The following SEMA5A variants were observed in gnomAD, a reference collection of about 807,000 sequenced individuals.
SEMA5A encodes semaphorin 5A, also known as semaphorin-5A.
SEMA5A carries 55 observed loss-of-function variants against 135.5 expected under a neutral mutation model. The observed-to-expected ratio is 0.41, with a 90% CI of 0.33 to 0.51. The LOEUF (loss-of-function observed/expected upper bound fraction) is 0.51, where lower values mean the gene tolerates loss of function less well. SEMA5A is among the 20% of genes least tolerant of loss of function. The pLI, the probability that SEMA5A is intolerant of heterozygous loss-of-function variation, is 0.37. For synonymous variants in SEMA5A, 580 were observed against 546.5 expected (o/e 1.06, Z -0.85); for missense variants, 1,290 against 1,419.9 (o/e 0.91, Z 1.47).
At chr5:9,309,295 G>A (rs1021295771) in intron 5 of SEMA5A, among the ~76,000 whole-genome samples, 1 of 152,154 alleles carries the variant, frequency 6.6e-6, no homozygotes, top group African/African-American at 2.4e-5. Context: ...GTATGGCGGG[G>A]TGGGATGAGG....
At position 9,110,759 on chromosome 5, in the gene SEMA5A, T is replaced by G. The variant is rs921637562; in HGVS notation, c.1926-2472A>C. Among the ~76,000 whole-genome samples, 13 of 152,176 alleles carry G rather than the reference T, an allele frequency of 8.5e-5. No homozygotes were observed. The East Asian group carries it at 2.1e-3, about 25-fold the overall frequency. On this transcript the variant is annotated intron_variant, in intron 15 of 22. Transcript: ENST00000382496. ...AGCGTAGCCAATGGAACTGAACAGT[T>G]ATCACTCTTCCTCATCTTTTCCACA...
At chr5:9,440,139 AG>A in intron 1 of SEMA5A, among the ~76,000 whole-genome samples, 1 of 152,372 alleles carries the variant, frequency 6.6e-6, no homozygotes, top group Non-Finnish European at 1.5e-5. Flanking sequence ...GACAAAGCAG[AG>A]GCCTTGAGTT....
chr5:9,199,646 A>C (rs1206791565), intron 9 of SEMA5A, among the ~76,000 whole-genome samples: 1 of 152,188 alleles, frequency 6.6e-6, no homozygotes, highest in African/African-American at 2.4e-5. Context: ...AATAACTTAC[A>C]AGAGCAATAA....
chr5:9,115,982 G>A (rs964264713), intron 15 of SEMA5A, among the ~76,000 whole-genome samples: 4 of 152,188 alleles, frequency 2.6e-5, no homozygotes, highest in Non-Finnish European at 4.4e-5. Context: ...AGGAAGGATC[G>A]CTTGGCAAGA....
intron 2 of SEMA5A, among the ~76,000 whole-genome samples, chr5:9,425,113 TCACAC>T (rs1337432133): frequency 6.6e-5 from 10 of 152,196 alleles, no homozygotes; most frequent in Non-Finnish European, 1.3e-4. Flanking sequence ...TGGTCTCAAT[TCACAC>T]CACTGTCCCT....
intron 1 of SEMA5A, among the ~76,000 whole-genome samples, chr5:9,446,268 C>G (rs1441906850): frequency 6.6e-6 from 1 of 152,118 alleles, no homozygotes; most frequent in Non-Finnish European, 1.5e-5. Context: ...TCATTACTCT[C>G]ACATGAGACA....
Position 9,232,642 on chromosome 5 carries a change from G to A in SEMA5A, c.333+5186C>T, listed in dbSNP as rs150183576. Reference sequence around the variant, plus strand: ...TATTACGTGCTATGTAATGTACAGTGTATTGATATATAAAATATACTATAC... The same window carrying A: ...TATTACGTGCTATGTAATGTACAGTATATTGATATATAAAATATACTATAC... On this transcript the variant is annotated intron_variant, in intron 6 of 22. Coordinates refer to ENST00000382496, the MANE Select transcript of SEMA5A (RefSeq NM_003966.3). 3.1e-3 allele frequency among the ~76,000 whole-genome samples: 474 copies of A among 152,088 alleles called. 2 individuals carry two copies. The highest frequency in any genetic ancestry group is 0.011 in the African/African-American group (457 of 41,450).
intron 11 of SEMA5A, among the ~76,000 whole-genome samples, chr5:9,155,090 C>A (rs1742880084): frequency 6.6e-6 from 1 of 152,092 alleles, no homozygotes. Context: ...ATTTTGGTGC[C>A]CAGCAGGGCA....
intron 3 of SEMA5A, among the ~76,000 whole-genome samples, chr5:9,339,168 G>A (rs1258336816): frequency 6.6e-6 from 1 of 152,102 alleles, no homozygotes; most frequent in Non-Finnish European, 1.5e-5. Context: ...ATCCTTCCAG[G>A]ACTTTATAAT....
In SEMA5A at chr5:9,063,059, C is replaced by T. The variant is rs372886222; in HGVS notation, c.2346G>A (p.Thr782=). The T allele has an allele frequency of 1.6e-5, 26 of 1,614,046 alleles. No individual in the cohort carries two copies. The highest frequency in any genetic ancestry group is 2.7e-5 in the African/African-American group (2 of 74,922). Residue 782 remains threonine, a synonymous_variant, in exon 18 of 23, where the codon ACG becomes ACA. Transcript: ENST00000382496. ...TCCAGGCTGACCAAGCCCCGTTGAC[C>T]GTGTGGGCAGAGTATCTCCCAGCAC... ...FLRAGRYSAH[T]VNGAWSAWTS... is the part of the protein sequence containing the mutation.
At chr5:9,238,057 T>C (rs1748006658) in intron 5 of SEMA5A, among the ~76,000 whole-genome samples, 167 bp from the exon 6 acceptor site, 1 of 152,204 alleles carries the variant, frequency 6.6e-6, no homozygotes, top group African/African-American at 2.4e-5. Context: ...AATTTAGTCA[T>C]GGGCTTAGAT....
rs188745504 is a variant in SEMA5A at position 9,204,999 on chromosome 5, C to T, written c.647-2759G>A. Reference sequence around the variant, plus strand: ...CCATCCCCTCTATCCTCCCTGCCACCCCCAGTTTATGGAAGACTTATCTTC... The same window carrying T: ...CCATCCCCTCTATCCTCCCTGCCACTCCCAGTTTATGGAAGACTTATCTTC... On this transcript the variant is annotated intron_variant, in intron 8 of 22. Transcript: ENST00000382496. This position sits in a 1 kb window ranked among gnomAD's most constrained non-coding sequence, Gnocchi z 6.4. 0.013 allele frequency among the ~76,000 whole-genome samples: 1,947 copies of T among 152,194 alleles called. 11 individuals carry two copies. The highest frequency in any genetic ancestry group is 0.019 in the Non-Finnish European group (1,309 of 68,008).
intron 5 of SEMA5A, among the ~76,000 whole-genome samples, chr5:9,263,760 C>A (rs1317122586): frequency 1.3e-5 from 2 of 152,262 alleles, no homozygotes; most frequent in South Asian, 4.1e-4. Context: ...TTATCCTCAT[C>A]GATCACATTT....
chr5:9,373,277 T>C (rs1222579927), intron 3 of SEMA5A, among the ~76,000 whole-genome samples: 1 of 152,168 alleles, frequency 6.6e-6, no homozygotes, highest in African/African-American at 2.4e-5. Context: ...ATTCATACTG[T>C]GATATGGGAA....
At chr5:9,289,648 G>C (rs1265231053) in intron 5 of SEMA5A, among the ~76,000 whole-genome samples, 14 of 151,750 alleles carry the variant, frequency 9.2e-5, no homozygotes, top group Admixed American at 2.0e-4. Context: ...CTGGGTGACA[G>C]AGCAAGACTG....
chr5:9,245,546 T>A (rs1048894263), intron 5 of SEMA5A, among the ~76,000 whole-genome samples: 1 of 152,128 alleles, frequency 6.6e-6, no homozygotes, highest in African/African-American at 2.4e-5. Context: ...TTTATAAAAA[T>A]TAATAGTTAT....
chr5:9,258,817 T>TTTC lies in SEMA5A; in HGVS notation c.271-20928_271-20927insGAA, dbSNP rs1482345454. Among the ~76,000 whole-genome samples, 54 of 134,616 alleles carry TTTC rather than the reference T, an allele frequency of 4.0e-4. 1 individual carries two copies. Among genetic ancestry groups the TTTC allele is most frequent in the African/African-American group, 1.4e-3 (51 of 36,074 alleles). 88.3% of individuals were successfully genotyped at this position (134,616 alleles called of 152,430 possible). On this transcript the variant is annotated intron_variant, in intron 5 of 22. Transcript: ENST00000382496. ...CTTCTTTCTTTCTTTTTTTTTTTTT[T>TTTC]TTTTTTTTTTTCCCTGAGATGGAGT... is the stretch of plus-strand genomic sequence containing the variant.
chr5:9,104,605 C>G (rs1289658173), intron 16 of SEMA5A, among the ~76,000 whole-genome samples: 1 of 152,178 alleles, frequency 6.6e-6, no homozygotes, highest in East Asian at 1.9e-4. Context: ...ATGTAATCCT[C>G]TAAACAGCTC....
At chr5:9,284,261 T>C (rs1750686222) in intron 5 of SEMA5A, among the ~76,000 whole-genome samples, 1 of 152,176 alleles carries the variant, frequency 6.6e-6, no homozygotes, top group Non-Finnish European at 1.5e-5. Flanking sequence ...GGGTTCCAAA[T>C]GAAAGCATAT....
Sources: gnomAD v4.1 joint callset for allele counts (sites outside exome capture counted in the v4.1 genomes callset) on GRCh38, gnomAD v4.1.1 for gene constraint, Gnocchi (gnomAD v3.1) non-coding constraint, MANE v1.5 for transcripts, NCBI Gene and HGNC (gene_info 2026-07-23, HGNC 2026-07-21) for gene names.